The following SCN2A variants were observed in gnomAD, a reference collection of about 807,000 sequenced individuals.
SCN2A encodes sodium voltage-gated channel alpha subunit 2.
Under a neutral mutation model 188.7 loss-of-function variants are expected in SCN2A, and 20 were observed. That is an observed-to-expected ratio of 0.11 (90% confidence interval 0.07 to 0.15). The LOEUF is 0.15. Among genes scored for constraint, SCN2A ranks in the 10% least tolerant of loss-of-function variants. The pLI, the probability that SCN2A is intolerant of heterozygous loss-of-function variation, is 1.00. For synonymous variants in SCN2A, 804 were observed against 833.1 expected (o/e 0.97, Z 0.60); for missense variants, 1,278 against 2,445.0 (o/e 0.52, Z 10.07).
chr2:165,388,370 G>T (rs1353220859), intron 26 of SCN2A, among the ~76,000 whole-genome samples: 1 of 152,068 alleles, frequency 6.6e-6, no homozygotes, highest in African/African-American at 2.4e-5. Context: ...ACCTTCCAGG[G>T]TTGAGTCATT....
chr2:165,243,587 G>A (rs1226434578), intron 1 of SCN2A: 1 of 148,884 alleles, frequency 6.7e-6, no homozygotes, highest in African/African-American at 2.5e-5. Flanking sequence ...GGGTGACAAA[G>A]TGAGACTCTG....
chr2:165,291,407 CCTTCCTTCCTCCCTG>C (rs1696124304), intron 1 of SCN2A, among the ~76,000 whole-genome samples: 4 of 123,378 alleles, frequency 3.2e-5, no homozygotes, highest in Non-Finnish European at 5.2e-5. Context: ...TTCCTTCCTT[CCTTCCTTCCTCCCTG>C]TCTGTCTTTC....
At chr2:165,281,537 C>G (rs112303117) in intron 1 of SCN2A, among the ~76,000 whole-genome samples, 3 of 151,828 alleles carry the variant, frequency 2.0e-5, no homozygotes, top group Non-Finnish European at 1.5e-5. Flanking sequence ...GGGCAGGAGA[C>G]GACATGAGAG....
At position 165,387,026 on chromosome 2, in the gene SCN2A, G is replaced by A; in HGVS notation, c.4822+10G>A. ...ATTCTCTCCATTGTAGGTAAGAAGA[G>A]GTGCTTTTATTCAGTTAAGGAATAT... On this transcript the variant is annotated intron_variant, in intron 26 of 26. Coordinates refer to ENST00000375437, the MANE Select transcript of SCN2A (RefSeq NM_001040142.2). 6.2e-7 allele frequency: 1 copy of A among 1,612,856 alleles called. No individual in the cohort carries two copies. The highest frequency in any genetic ancestry group is 1.1e-5 in the South Asian group (1 of 91,036).
chr2:165,376,305 T>C (rs1701310677), intron 22 of SCN2A, among the ~76,000 whole-genome samples: 1 of 151,948 alleles, frequency 6.6e-6, no homozygotes, highest in Admixed American at 6.6e-5. Flanking sequence ...AACATAAATA[T>C]ATTCATTTTT....
At position 165,242,893 on chromosome 2, in the gene SCN2A, G is replaced by A. The variant is rs80123808; in HGVS notation, c.-52+3253G>A. Among the ~76,000 whole-genome samples, 235 of 152,230 alleles carry A rather than the reference G, an allele frequency of 1.5e-3. 7 individuals carry two copies. The East Asian group carries it at 0.042, about 27-fold the overall frequency. On this transcript the variant is annotated intron_variant, in intron 1 of 26. Coordinates refer to ENST00000375437, the MANE Select transcript of SCN2A (RefSeq NM_001040142.2). ...ACTCACTTTGGGTGGCCTGTTTTTC[G>A]AAATTAAATCCTTGTTTGTAAGATG...
At chr2:165,378,215 G>GA (rs58765904) in intron 23 of SCN2A, among the ~76,000 whole-genome samples, 1,698 of 133,766 alleles carry the variant, frequency 0.013, 24 homozygotes, top group African/African-American at 0.042. Context: ...GTCACATTTT[G>GA]AAAAAAAAAA....
chr2:165,377,570 A>G (rs1162492193), intron 22 of SCN2A, 27 bp from the exon 23 acceptor site: 3 of 1,588,710 alleles, frequency 1.9e-6, no homozygotes, highest in Non-Finnish European at 2.6e-6. Context: ...TTTGGGAAAA[A>G]AGAAAATGAT....
rs771610189 is a variant in SCN2A at position 165,312,102 on chromosome 2, C to T, written c.1034+14C>T. On this transcript the variant is annotated intron_variant, in intron 8 of 26. Transcript: ENST00000375437. ...CTCAGATGCAGGGTAAGTGATGCTT[C>T]CTACTGAGTTTCAGTCCACACTGCT... 1.4e-5 allele frequency: 22 copies of T among 1,606,248 alleles called. 1 individual carries two copies. The highest frequency in any genetic ancestry group is 3.3e-5 in the South Asian group (3 of 90,866).
rs1366486532 is a variant in SCN2A at position 165,295,897 on chromosome 2, T to C, written c.74T>C (p.Ile25Thr). Residue 25 changes from isoleucine (I) to threonine (T), a missense_variant, in exon 2 of 27, where the codon ATT becomes ACT. By Grantham distance (89) the Ile-to-Thr change is moderately conservative. Coordinates refer to ENST00000375437, the MANE Select transcript of SCN2A (RefSeq NM_001040142.2). Reference protein sequence around the residue: ...RFFTRESLAAIEQRIAEEKAK... With the variant: ...RFFTRESLAATEQRIAEEKAK... The stretch of plus-strand genomic sequence containing the variant: ...TTTACCAGGGAATCCCTTGCTGCTA[T>C]TGAACAACGCATTGCAGAAGAGAAA... The C allele has an allele frequency of 3.1e-6, 5 of 1,614,126 alleles. No individual in the cohort carries two copies. The highest frequency in any genetic ancestry group is 4.2e-6 in the Non-Finnish European group (5 of 1,180,030).
chr2:165,287,811 C>T (rs1251679636), intron 1 of SCN2A, among the ~76,000 whole-genome samples: 1 of 152,126 alleles, frequency 6.6e-6, no homozygotes, highest in African/African-American at 2.4e-5. Context: ...GGACCTCTGG[C>T]AAAGGGAATA....
In SCN2A at chr2:165,333,158, T is replaced by C. The variant is rs558015085; in HGVS notation, c.2388+1590T>C. ...CTAAATCAGAATCATATCTTATCAC[T>C]GGAGGCAGAGTAAATGAGTGAAATT... On this transcript the variant is annotated intron_variant, in intron 14 of 26. Coordinates refer to ENST00000375437, the MANE Select transcript of SCN2A (RefSeq NM_001040142.2). Among the ~76,000 whole-genome samples, 15 of 152,106 alleles carry C rather than the reference T, an allele frequency of 9.9e-5. No homozygotes were observed. In the South Asian group the frequency reaches 3.1e-3, roughly 32 times the overall value.
At chr2:165,378,822 T>C (rs111586718) in intron 23 of SCN2A, among the ~76,000 whole-genome samples, 5,546 of 151,850 alleles carry the variant, frequency 0.037, 143 homozygotes, top group Non-Finnish European at 0.051. Flanking sequence ...AATTGAGCAC[T>C]ACATTTATGA....
intron 1 of SCN2A, among the ~76,000 whole-genome samples, chr2:165,261,687 G>A (rs1008820562): frequency 1.3e-5 from 2 of 152,254 alleles, no homozygotes; most frequent in South Asian, 4.1e-4. Context: ...GAATATTGCT[G>A]TGATTCCATT....
At chr2:165,327,168 A>G (rs928983858) in intron 13 of SCN2A, 184 bp downstream of exon 13, 6 of 641,680 alleles carry the variant, frequency 9.4e-6, no homozygotes, top group African/African-American at 7.6e-5. Flanking sequence ...TTTTTTTTTT[A>G]TATTTAGCCT....
chr2:165,256,533 A>C (rs1020470830), intron 1 of SCN2A, among the ~76,000 whole-genome samples: 5 of 152,098 alleles, frequency 3.3e-5, no homozygotes, highest in African/African-American at 1.2e-4. Context: ...TTTTACTCTG[A>C]GATATTGGGA....
intron 19 of SCN2A, 72 bp downstream of exon 19, chr2:165,367,443 T>C (rs956379256): frequency 1.4e-6 from 2 of 1,474,894 alleles, no homozygotes; most frequent in Non-Finnish European, 1.9e-6. Context: ...TCAACTCATA[T>C]TACCCACTTT....
At chr2:165,295,461 G>C (rs1301088774) in intron 1 of SCN2A, among the ~76,000 whole-genome samples, 1 of 152,144 alleles carries the variant, frequency 6.6e-6, no homozygotes, top group Non-Finnish European at 1.5e-5. Context: ...TGAAACAGCA[G>C]GCACAAACCA....
Position 165,351,053 on chromosome 2 carries a change from G to A in SCN2A, c.2920-3139G>A, listed in dbSNP as rs1237893965. 4.6e-5 allele frequency among the ~76,000 whole-genome samples: 7 copies of A among 152,116 alleles called. No individual in the cohort carries two copies. In the South Asian group the frequency reaches 6.2e-4, roughly 14 times the overall value. On this transcript the variant is annotated intron_variant, in intron 16 of 26. Coordinates refer to ENST00000375437, the MANE Select transcript of SCN2A (RefSeq NM_001040142.2). ...TCCTTTCAACAACCTTGTAAGCTGG[G>A]CACTAGAAAAACGATTACATTTATT...
Sources: gnomAD v4.1 joint callset for allele counts (sites outside exome capture counted in the v4.1 genomes callset) on GRCh38, gnomAD v4.1.1 for gene constraint, MANE v1.5 for transcripts, NCBI Gene and HGNC (gene_info 2026-07-23, HGNC 2026-07-21) for gene names.